The following TTC7B variants were observed in gnomAD, a reference collection of about 807,000 sequenced individuals.
TTC7B encodes tetratricopeptide repeat domain 7B.
TTC7B carries 28 observed loss-of-function variants against 106.8 expected under a neutral mutation model. The ratio of observed to expected loss-of-function variants is 0.26; its 90% CI spans 0.19 to 0.36. TTC7B has a LOEUF of 0.36. TTC7B is among the 10% of genes least tolerant of loss of function. The pLI is 1.00. For missense variants in TTC7B, 862 were observed against 1,076.4 expected, an observed-to-expected ratio of 0.80 and a Z score of 2.79; for synonymous variants, 405 against 430.6, an observed-to-expected ratio of 0.94 and a Z score of 0.74.
chr14:90,573,808 C>T lies in TTC7B; in HGVS notation c.2310+4298G>A, dbSNP rs752923391. ...CTCAACCTGTCAAAGGGACTGGAGG[C>T]GGACCCGAGCCTCCTGCTAATATTC... On this transcript the variant is annotated intron_variant, in intron 19 of 19. Coordinates refer to ENST00000328459, the MANE Select transcript of TTC7B (RefSeq NM_001010854.2). Among the ~76,000 whole-genome samples the T allele has an allele frequency of 5.3e-5, 8 of 152,218 alleles. 1 individual carries two copies. Among genetic ancestry groups the T allele is most frequent in the East Asian group, 1.9e-4 (1 of 5,204 alleles).
chr14:90,676,730 G>A, intron 8 of TTC7B, 70 bp from the exon 9 acceptor site: 1 of 1,558,078 alleles, frequency 6.4e-7, no homozygotes, highest in South Asian at 1.2e-5. Context: ...AGTCCACCTA[G>A]GCCCTCCTGC....
At chr14:90,748,275 A>C (rs1420596375) in intron 3 of TTC7B, among the ~76,000 whole-genome samples, 2 of 151,722 alleles carry the variant, frequency 1.3e-5, no homozygotes, top group East Asian at 3.9e-4. Context: ...TTAGTCACTA[A>C]AATTTTTATT....
intron 1 of TTC7B, among the ~76,000 whole-genome samples, chr14:90,801,859 G>T (rs990745419): frequency 6.6e-6 from 1 of 152,046 alleles, no homozygotes; most frequent in Admixed American, 6.6e-5. Flanking sequence ...TCAGGAGTTC[G>T]AGACCAGCCT....
At chr14:90,573,506 G>A (rs1164748293) in intron 19 of TTC7B, among the ~76,000 whole-genome samples, 4 of 115,264 alleles carry the variant, frequency 3.5e-5, no homozygotes, top group Non-Finnish European at 5.3e-5. Flanking sequence ...CTCAGCTCAC[G>A]GTCCCTCTCC....
rs1294562 is a variant in TTC7B at position 90,537,811 on chromosome 14, C to T, written c.*3557G>A. The T allele has an allele frequency of 0.76, 114,901 of 152,082 alleles. 43,643 individuals carry two copies. Among genetic ancestry groups the T allele is most frequent in the African/African-American group, 0.79 (32,592 of 41,446 alleles). The allele number at this position is 152,082 out of a possible 1,614,324, so 9.4% of individuals were successfully genotyped here. ...TCCATGCGTCACCCCACCTGCCATA[C>T]TCCTCATCTGTCTGTTTCCTTCTAC... On this transcript the variant is annotated 3_prime_UTR_variant, in exon 20 of 20. Transcript: ENST00000328459.
chr14:90,740,859 ATCTGAAAT>A (rs2139998657), intron 4 of TTC7B, among the ~76,000 whole-genome samples: 2 of 152,306 alleles, frequency 1.3e-5, no homozygotes, highest in South Asian at 4.1e-4. Flanking sequence ...TAACCTAAAT[ATCTGAAAT>A]TGTCCGAGGT....
intron 4 of TTC7B, among the ~76,000 whole-genome samples, chr14:90,732,354 C>T (rs1889359349): frequency 6.6e-6 from 1 of 152,108 alleles, no homozygotes. Context: ...AATGGAGTCT[C>T]CACGTCCTCT....
At chr14:90,749,247 T>C (rs1890062039) in intron 3 of TTC7B, among the ~76,000 whole-genome samples, 1 of 152,206 alleles carries the variant, frequency 6.6e-6, no homozygotes, top group Non-Finnish European at 1.5e-5. Flanking sequence ...TGGTTTATAG[T>C]TTCCATAAAA....
intron 5 of TTC7B, chr14:90,699,061 C>T: frequency 2.4e-6 from 1 of 411,856 alleles, no homozygotes; most frequent in East Asian, 7.8e-5. Context: ...CCTCTCGACC[C>T]TCTGTCCTGG....
At chr14:90,592,392 T>C (rs1184096148) in intron 18 of TTC7B, among the ~76,000 whole-genome samples, 1 of 152,160 alleles carries the variant, frequency 6.6e-6, no homozygotes, top group Non-Finnish European at 1.5e-5. Context: ...GGAAGCGCAG[T>C]GTAGTGGGAT....
intron 18 of TTC7B, among the ~76,000 whole-genome samples, chr14:90,591,118 T>A (rs1397005844): frequency 1.3e-5 from 2 of 152,176 alleles, no homozygotes; most frequent in Admixed American, 1.3e-4. Flanking sequence ...GGCAGGCAGA[T>A]CACCTGAGGT....
Position 90,816,201 on chromosome 14 carries a change from T to C in TTC7B, c.95A>G (p.Gln32Arg). ...QWERIPELVK[Q>R]LSAKLIANDD... ...GTTGGCGATGAGCTTGGCCGACAGCTGCTTGACGAGCTCAGGGATCCGCTC... is the reference window on the plus strand; with the variant it reads ...GTTGGCGATGAGCTTGGCCGACAGCCGCTTGACGAGCTCAGGGATCCGCTC... Residue 32 changes from glutamine to arginine, a missense_variant, in exon 1 of 20, where the codon CAG (glutamine) becomes CGG (arginine). By Grantham distance (43) the Gln-to-Arg change is conservative. Transcript: ENST00000328459. 7.9e-7 allele frequency: 1 copy of C among 1,269,478 alleles called. No homozygotes were observed. Among genetic ancestry groups the C allele is most frequent in the Non-Finnish European group, 1.0e-6 (1 of 975,296 alleles). The allele number at this position is 1,269,478 out of a possible 1,614,324, so 78.6% of individuals were successfully genotyped here. A position where few individuals can be genotyped will look rare whatever the true frequency, so the allele number is the denominator to read the frequency against.
intron 19 of TTC7B, among the ~76,000 whole-genome samples, chr14:90,553,988 A>G (rs1323559446): frequency 6.6e-6 from 1 of 152,278 alleles, no homozygotes; most frequent in Non-Finnish European, 1.5e-5. Context: ...GCTGTCAGGC[A>G]GTAAACGCCA....
At chr14:90,621,669 C>T (rs1051874937) in intron 15 of TTC7B, among the ~76,000 whole-genome samples, 1 of 152,224 alleles carries the variant, frequency 6.6e-6, no homozygotes, top group African/African-American at 2.4e-5. Context: ...GGCAGAAACA[C>T]CTGCCCTGCC....
rs1889180148 is a variant in TTC7B at position 90,527,740 on chromosome 14, T to C, written c.*13628A>G. 6.6e-6 allele frequency: 1 copy of C among 151,834 alleles called. No individual in the cohort carries two copies. The highest frequency in any genetic ancestry group is 6.6e-5 in the Admixed American group (1 of 15,260). The allele number at this position is 151,834 out of a possible 1,614,324, so 9.4% of individuals were successfully genotyped here. Reference sequence around the variant, plus strand: ...ATGCCCAGCTAATTTTTTGTAGTTTTGGTAGAGATGGGCTTTCACCGTGTT... The same window carrying C: ...ATGCCCAGCTAATTTTTTGTAGTTTCGGTAGAGATGGGCTTTCACCGTGTT... On this transcript the variant is annotated 3_prime_UTR_variant, in exon 20 of 20. Coordinates refer to ENST00000328459, the MANE Select transcript of TTC7B (RefSeq NM_001010854.2).
At chr14:90,639,883 G>A (rs558152369) in intron 15 of TTC7B, among the ~76,000 whole-genome samples, 13 of 152,210 alleles carry the variant, frequency 8.5e-5, no homozygotes, top group African/African-American at 3.1e-4. Context: ...GGAGCCTCAG[G>A]AACGGGATGT....
intron 4 of TTC7B, among the ~76,000 whole-genome samples, chr14:90,733,747 G>A (rs1276143999): frequency 3.3e-5 from 5 of 152,166 alleles, no homozygotes; most frequent in Non-Finnish European, 4.4e-5. Flanking sequence ...ACCGAGGCGC[G>A]AGGTCTGGTT....
intron 16 of TTC7B, among the ~76,000 whole-genome samples, chr14:90,615,109 A>G (rs1474666350): frequency 6.6e-6 from 1 of 152,252 alleles, no homozygotes; most frequent in East Asian, 1.9e-4. Flanking sequence ...CAAGAGACGC[A>G]TCTCCAACTG....
Position 90,657,266 on chromosome 14 carries a change from C to T in TTC7B, c.1249G>A (p.Val417Met), listed in dbSNP as rs765742580. ...LMAAGKSARA[V>M]KVLKECIRLK... ...CGGATACACTCTTTCAGCACCTTCA[C>T]GGCACGGGCAGACTTGGCAAGAGAA... Residue 417 changes from valine to methionine, a missense_variant, in exon 11 of 20, where the codon GTG (valine) becomes ATG (methionine). By Grantham distance (21) the Val-to-Met change is conservative. Transcript: ENST00000328459. The surrounding 1 kb of genome is among the most constrained non-coding windows in gnomAD (Gnocchi z 4.2). 3.1e-6 allele frequency: 5 copies of T among 1,613,786 alleles called. No individual in the cohort carries two copies. Among genetic ancestry groups the T allele is most frequent in the Non-Finnish European group, 2.5e-6 (3 of 1,179,948 alleles).
Sources: allele counts gnomAD v4.1 joint callset (sites outside exome capture counted in the v4.1 genomes callset), GRCh38; gene constraint gnomAD v4.1.1; non-coding constraint Gnocchi (gnomAD v3.1); transcripts MANE v1.5; gene names NCBI Gene and HGNC (gene_info 2026-07-23, HGNC 2026-07-21).